Variants in GRM8 observed in about 807,000 individuals in gnomAD.
GRM8 encodes the protein metabotropic glutamate receptor 8.
GRM8 carries 47 observed loss-of-function variants against 87.2 expected under a neutral mutation model. That is an observed-to-expected ratio of 0.54 (90% CI 0.43 to 0.69). GRM8 has a LOEUF of 0.69. GRM8 is among the 30% of genes least tolerant of loss of function. GRM8 has a pLI of 0.00. For synonymous variants in GRM8, 396 were observed against 404.5 expected (o/e 0.98, Z 0.25); for missense variants, 1,019 against 1,139.2 (o/e 0.89, Z 1.52).
chr7:126,603,611 T>C (rs149702603), intron 8 of GRM8, among the ~76,000 whole-genome samples: 3 of 152,238 alleles, frequency 2.0e-5, no homozygotes, highest in East Asian at 1.9e-4. Flanking sequence ...TAGAGTGGCA[T>C]TTAAAGTTCT....
At chr7:127,173,807 C>T (rs981883987) in intron 2 of GRM8, among the ~76,000 whole-genome samples, 1 of 152,184 alleles carries the variant, frequency 6.6e-6, no homozygotes, top group Non-Finnish European at 1.5e-5. Context: ...CCTAAAGGCG[C>T]ACACCTGGTC....
chr7:126,657,666 A>C (rs143430167), intron 7 of GRM8, among the ~76,000 whole-genome samples: 3 of 152,266 alleles, frequency 2.0e-5, no homozygotes, highest in African/African-American at 7.2e-5. Context: ...TTGCCTAAAC[A>C]TAACAGGTCA....
chr7:126,469,511 A>G (rs528568084), intron 9 of GRM8, among the ~76,000 whole-genome samples: 5 of 152,134 alleles, frequency 3.3e-5, no homozygotes, highest in Non-Finnish European at 7.4e-5. Flanking sequence ...GGAGGGACTC[A>G]GTGGGAGGGA....
At chr7:126,714,683 A>G (rs1401058703) in intron 7 of GRM8, among the ~76,000 whole-genome samples, 1 of 152,150 alleles carries the variant, frequency 6.6e-6, no homozygotes, top group Non-Finnish European at 1.5e-5. Flanking sequence ...TTTCATATAT[A>G]CAGTTGACAC....
chr7:126,634,787 T>G (rs1801686972), intron 7 of GRM8, among the ~76,000 whole-genome samples: 1 of 152,194 alleles, frequency 6.6e-6, no homozygotes. Context: ...TATATGGAAA[T>G]ATAAGTCTAG....
intron 7 of GRM8, among the ~76,000 whole-genome samples, chr7:126,629,667 A>T (rs995735800): frequency 1.3e-5 from 2 of 152,180 alleles, no homozygotes; most frequent in African/African-American, 4.8e-5. Context: ...GATTTAACTT[A>T]AAAAGATAGC....
At chr7:127,239,072 T>G (rs943174467) in intron 2 of GRM8, among the ~76,000 whole-genome samples, 1 of 152,174 alleles carries the variant, frequency 6.6e-6, no homozygotes, top group Non-Finnish European at 1.5e-5. Flanking sequence ...CTGGAGAGGC[T>G]GACACAGGAG....
intron 3 of GRM8, among the ~76,000 whole-genome samples, chr7:127,008,726 A>G (rs1814570920): frequency 6.6e-6 from 1 of 152,090 alleles, no homozygotes; most frequent in Admixed American, 6.6e-5. Flanking sequence ...GCCATTTTAA[A>G]AACAGCCTCT....
intron 6 of GRM8, among the ~76,000 whole-genome samples, chr7:126,803,769 C>T (rs1163817784): frequency 6.6e-6 from 1 of 152,178 alleles, no homozygotes; most frequent in Non-Finnish European, 1.5e-5. Context: ...TTAAGTTGTT[C>T]ACCACTTACT....
intron 8 of GRM8, among the ~76,000 whole-genome samples, chr7:126,588,119 TA>T (rs1014945145): frequency 7.9e-5 from 12 of 152,028 alleles, no homozygotes; most frequent in Admixed American, 1.3e-4. Context: ...AACCTGAATG[TA>T]AAAAAACATA....
chr7:126,957,943 A>G (rs1458365348), intron 3 of GRM8, among the ~76,000 whole-genome samples: 1 of 152,126 alleles, frequency 6.6e-6, no homozygotes, highest in Non-Finnish European at 1.5e-5. Context: ...ATGGCCACCC[A>G]TGGACCAACC....
intron 6 of GRM8, among the ~76,000 whole-genome samples, chr7:126,886,369 CA>C (rs1448536535): frequency 6.6e-6 from 1 of 152,134 alleles, no homozygotes; most frequent in Non-Finnish European, 1.5e-5. Context: ...TACACATTTT[CA>C]ATTTTTTCTC....
intron 3 of GRM8, among the ~76,000 whole-genome samples, chr7:126,967,883 T>G (rs1440410551): frequency 1.3e-5 from 2 of 152,190 alleles, no homozygotes; most frequent in Non-Finnish European, 2.9e-5. Flanking sequence ...CAGTAAGTCA[T>G]AATGAAGCAA....
chr7:126,632,113 A>T (rs892794052), intron 7 of GRM8, among the ~76,000 whole-genome samples: 18 of 152,332 alleles, frequency 1.2e-4, no homozygotes, highest in African/African-American at 4.1e-4. Flanking sequence ...AATGGGAGAA[A>T]ATTTTTGCAA....
At chr7:126,682,411 G>A (rs567171812) in intron 7 of GRM8, among the ~76,000 whole-genome samples, 7 of 152,304 alleles carry the variant, frequency 4.6e-5, no homozygotes, top group African/African-American at 1.7e-4. Context: ...TCATAAGGGA[G>A]GCTTTATTAT....
intron 2 of GRM8, among the ~76,000 whole-genome samples, chr7:127,139,082 T>A (rs1828110032): frequency 6.6e-6 from 1 of 152,138 alleles, no homozygotes; most frequent in South Asian, 2.1e-4. Flanking sequence ...CTTAAGTGTG[T>A]CTGACCTCTG....
intron 7 of GRM8, among the ~76,000 whole-genome samples, chr7:126,662,187 T>C (rs868002103): frequency 5.3e-5 from 8 of 152,188 alleles, no homozygotes; most frequent in Non-Finnish European, 1.2e-4. Context: ...CAAAGGGATC[T>C]CTTAATAGAA....
chr7:126,683,187 T>C (rs1807800724), intron 7 of GRM8, among the ~76,000 whole-genome samples: 1 of 152,236 alleles, frequency 6.6e-6, no homozygotes, highest in African/African-American at 2.4e-5. Flanking sequence ...TCTCTACATT[T>C]GCTGAACCCA....
intron 3 of GRM8, among the ~76,000 whole-genome samples, chr7:127,033,271 G>T (rs1817556684): frequency 6.6e-6 from 1 of 151,690 alleles, no homozygotes; most frequent in African/African-American, 2.4e-5. Context: ...CATTTCTCCA[G>T]CCTAAAAATC....
Sources: allele counts gnomAD v4.1 joint callset (sites outside exome capture counted in the v4.1 genomes callset), GRCh38; gene constraint gnomAD v4.1.1; transcripts MANE v1.5; gene names NCBI Gene and HGNC (gene_info 2026-07-23, HGNC 2026-07-21).